Variants in NRP2 observed in about 807,000 individuals in gnomAD.
NRP2 encodes the protein neuropilin-2.
Under a neutral mutation model 110.4 loss-of-function variants are expected in NRP2, and 52 were observed. The ratio of observed to expected loss-of-function variants is 0.47; its 90% CI spans 0.38 to 0.59. The LOEUF is 0.59. Ranked by LOEUF, NRP2 falls within the 20% of genes least tolerant of loss-of-function variation. The pLI is 0.00. For missense variants in NRP2, 1,049 were observed against 1,203.0 expected (o/e 0.87, Z 1.89); for synonymous variants, 508 against 468.9 (o/e 1.08, Z -1.08).
chr2:205,723,902 C>T lies in NRP2; in HGVS notation c.782C>T (p.Ser261Phe). 1.9e-6 allele frequency: 3 copies of T among 1,614,166 alleles called. No individual in the cohort carries two copies. The highest frequency in any genetic ancestry group is 2.2e-5 in the South Asian group (2 of 91,080). ...TDMAVAKDGF[S>F]ARYYLVHQEP... ...ATGGCGGTGGCCAAGGATGGCTTCT[C>T]TGCGCGTTACTACCTGGTCCACCAA... The change falls in exon 5 of 17, where the codon TCT becomes TTT. Residue 261 changes from serine (S) to phenylalanine (F), a missense_variant. Coordinates refer to ENST00000357785, the MANE Select transcript of NRP2 (RefSeq NM_003872.3).
At chr2:205,767,487 T>A in intron 15 of NRP2, 1 of 504,114 alleles carries the variant, frequency 2.0e-6, no homozygotes, top group South Asian at 1.5e-5. Context: ...AATGCAGGAC[T>A]GAAAATCAGA....
At chr2:205,743,897 C>G (rs540505265) in intron 9 of NRP2, among the ~76,000 whole-genome samples, 1 of 152,276 alleles carries the variant, frequency 6.6e-6, no homozygotes, top group East Asian at 1.9e-4. Flanking sequence ...GTGCCCGCCA[C>G]CACACCTAGC....
chr2:205,688,582 G>A (rs545051126), intron 1 of NRP2, among the ~76,000 whole-genome samples: 2 of 152,294 alleles, frequency 1.3e-5, no homozygotes, highest in South Asian at 2.1e-4. Flanking sequence ...ATCTTCTAAA[G>A]GTTTAGGAAG....
chr2:205,686,557 G>A lies in NRP2; in HGVS notation c.73+3194G>A, dbSNP rs999227819. On this transcript the variant is annotated intron_variant, in intron 1 of 16. Transcript: ENST00000357785. The surrounding 1 kb of genome is among the most constrained non-coding windows in gnomAD (Gnocchi z 4.7). The stretch of plus-strand genomic sequence containing the variant: ...GCTGTGCCGGGGGTCTTTCCCACCG[G>A]GTCGCAGGCGTCCAGCGGCTGGGTG... Among the ~76,000 whole-genome samples, 2 of 152,202 alleles carry A rather than the reference G, an allele frequency of 1.3e-5. No individual in the cohort carries two copies. Among genetic ancestry groups the A allele is most frequent in the African/African-American group, 4.8e-5 (2 of 41,462 alleles).
intron 3 of NRP2, chr2:205,722,251 G>A: frequency 3.8e-6 from 2 of 521,452 alleles, no homozygotes; most frequent in Admixed American, 2.9e-5. Flanking sequence ...TTCCTCAATT[G>A]CTGCTCTCAC....
At chr2:205,784,424 T>TC (rs1338266914) in intron 15 of NRP2, among the ~76,000 whole-genome samples, 1 of 152,194 alleles carries the variant, frequency 6.6e-6, no homozygotes, top group Non-Finnish European at 1.5e-5. Context: ...GGTGTGGGCC[T>TC]CCCCATGGCT....
intron 15 of NRP2, among the ~76,000 whole-genome samples, chr2:205,780,771 T>C (rs1365082385): frequency 6.6e-6 from 1 of 152,234 alleles, no homozygotes; most frequent in African/African-American, 2.4e-5. Context: ...TTTTTACAGC[T>C]GTAAAACCTG....
At chr2:205,729,131 G>C (rs1227034368) in intron 7 of NRP2, among the ~76,000 whole-genome samples, 1 of 152,228 alleles carries the variant, frequency 6.6e-6, no homozygotes, top group African/African-American at 2.4e-5. Context: ...GACTGGTGCA[G>C]CTGGAAACCT....
chr2:205,713,437 C>A (rs919632152), intron 2 of NRP2, among the ~76,000 whole-genome samples: 2 of 152,208 alleles, frequency 1.3e-5, no homozygotes, highest in Non-Finnish European at 2.9e-5. Flanking sequence ...TGATGAACTT[C>A]CTTCTACATC....
intron 1 of NRP2, 73 bp downstream of exon 1, chr2:205,683,436 GC>G (rs2056060731): frequency 9.2e-7 from 1 of 1,090,134 alleles, no homozygotes; most frequent in Non-Finnish European, 1.4e-6. Context: ...AAGCAGGAAG[GC>G]CACGCAGAAC....
chr2:205,772,967 A>G (rs1187209142), intron 15 of NRP2, among the ~76,000 whole-genome samples: 4 of 152,242 alleles, frequency 2.6e-5, no homozygotes, highest in African/African-American at 9.6e-5. Context: ...AGGGAGTCTG[A>G]ACATTGGTCC....
intron 7 of NRP2, 73 bp downstream of exon 7, chr2:205,728,119 C>T (rs960117784): frequency 1.3e-5 from 20 of 1,555,566 alleles, no homozygotes; most frequent in African/African-American, 4.1e-5. Context: ...AGCTTTAAGC[C>T]GACCTCCTAC....
chr2:205,702,226 A>T (rs1040418664), intron 2 of NRP2, among the ~76,000 whole-genome samples: 1 of 152,128 alleles, frequency 6.6e-6, no homozygotes, highest in Non-Finnish European at 1.5e-5. Context: ...TAGCCTTCCC[A>T]TTCTGACTTG....
chr2:205,766,880 G>A, intron 15 of NRP2, 77 bp downstream of exon 15: 2 of 1,344,798 alleles, frequency 1.5e-6, no homozygotes, highest in South Asian at 1.2e-5. Flanking sequence ...AATTTGATGG[G>A]GGGAATCAAC....
rs1248653350 is a variant in NRP2 at position 205,726,007 on chromosome 2, C to T, written c.915C>T (p.Thr305=). Residue 305 remains threonine (T), a synonymous_variant, in exon 6 of 17, where the codon ACC becomes ACT. Coordinates refer to ENST00000357785, the MANE Select transcript of NRP2 (RefSeq NM_003872.3). ...CTACCTACTCTGATGGGAGGTGGAC[C>T]CCTCAACAAAGCCGGCTCCATGGTG... ...ASSTYSDGRW[T]PQQSRLHGDD... 6.2e-7 allele frequency: 1 copy of T among 1,614,072 alleles called. No homozygotes were observed. Among genetic ancestry groups the T allele is most frequent in the Non-Finnish European group, 8.5e-7 (1 of 1,179,986 alleles).
At position 205,726,028 on chromosome 2, in the gene NRP2, T is replaced by C; in HGVS notation, c.936T>C (p.His312=). 1 of 1,614,182 alleles carries C rather than the reference T, an allele frequency of 6.2e-7. No individual in the cohort carries two copies. The highest frequency in any genetic ancestry group is 8.5e-7 in the Non-Finnish European group (1 of 1,180,022). Residue 312 remains histidine (H), a synonymous_variant, in exon 6 of 17, where the codon CAT becomes CAC. Transcript: ENST00000357785. ...GGACCCCTCAACAAAGCCGGCTCCA[T>C]GGTGATGACAATGGCTGGACCCCCA... is the stretch of plus-strand genomic sequence containing the variant. The part of the protein sequence containing the change: ...GRWTPQQSRL[H]GDDNGWTPNL...
At chr2:205,734,781 A>C (rs1470649342) in intron 7 of NRP2, among the ~76,000 whole-genome samples, 1 of 152,174 alleles carries the variant, frequency 6.6e-6, no homozygotes, top group East Asian at 1.9e-4. Flanking sequence ...GTGGAGAGAA[A>C]TATTTATTTT....
At position 205,796,643 on chromosome 2, in the gene NRP2, C is replaced by T. The variant is rs1007965755; in HGVS notation, c.*1585C>T. 1 of 152,556 alleles carries T rather than the reference C, an allele frequency of 6.6e-6. No homozygotes were observed. The highest frequency in any genetic ancestry group is 6.5e-5 in the Admixed American group (1 of 15,280). 9.5% of individuals were successfully genotyped at this position (152,556 alleles called of 1,614,324 possible). A position where few individuals can be genotyped will look rare whatever the true frequency, so the allele number is the denominator to read the frequency against. Reference sequence around the variant, plus strand: ...CCTATTAAAGGAATGAGTCCTGCTACCCGAGTGGTAGTCATAGCCCTAGAT... The same window carrying T: ...CCTATTAAAGGAATGAGTCCTGCTATCCGAGTGGTAGTCATAGCCCTAGAT... On this transcript the variant is annotated 3_prime_UTR_variant, in exon 17 of 17. Coordinates refer to ENST00000357785, the MANE Select transcript of NRP2 (RefSeq NM_003872.3).
Position 205,736,685 on chromosome 2 carries a change from A to G in NRP2, c.1147-3834A>G, listed in dbSNP as rs144903669. Among the ~76,000 whole-genome samples the G allele has an allele frequency of 8.0e-3, 1,223 of 152,262 alleles. 8 individuals are homozygous for G. Among genetic ancestry groups the G allele is most frequent in the Non-Finnish European group, 0.013 (911 of 68,020 alleles). On this transcript the variant is annotated intron_variant, in intron 7 of 16. Transcript: ENST00000357785. The stretch of plus-strand genomic sequence containing the variant: ...TATCTGCAAGCCTATTATCGACTTT[A>G]TTTTCCTGAAGGAGAAACCAAGGTA...
Sources: gnomAD v4.1 joint callset for allele counts (sites outside exome capture counted in the v4.1 genomes callset) on GRCh38, gnomAD v4.1.1 for gene constraint, Gnocchi (gnomAD v3.1) non-coding constraint, MANE v1.5 for transcripts, NCBI Gene and HGNC (gene_info 2026-07-23, HGNC 2026-07-21) for gene names.